SGCZ: variants seen among roughly 807,000 people sequenced by gnomAD.
The protein encoded by SGCZ is zeta-sarcoglycan.
Under a neutral mutation model 41.3 loss-of-function variants are expected in SGCZ, and 40 were observed. The ratio of observed to expected loss-of-function variants is 0.97; its 90% CI spans 0.75 to 1.26. The LOEUF (loss-of-function observed/expected upper bound fraction) is 1.26, where lower values mean the gene tolerates loss of function less well. SGCZ is among the 50% of genes most tolerant of loss of function. The pLI is 0.00. For missense variants in SGCZ, 552 were observed against 369.8 expected (o/e 1.49, Z -4.04); for synonymous variants, 206 against 137.5 (o/e 1.50, Z -3.49).
At chr8:14,737,248 A>G (rs1454298513) in intron 1 of SGCZ, among the ~76,000 whole-genome samples, 1 of 151,136 alleles carries the variant, frequency 6.6e-6, no homozygotes. Context: ...TTAGTATCCT[A>G]TATTGTTGAT....
intron 1 of SGCZ, among the ~76,000 whole-genome samples, chr8:14,767,873 G>A (rs1800093577): frequency 2.0e-5 from 3 of 152,120 alleles, no homozygotes; most frequent in Admixed American, 2.0e-4. Flanking sequence ...TGCTGAAATA[G>A]GGCCATGTAT....
intron 1 of SGCZ, among the ~76,000 whole-genome samples, chr8:14,903,145 A>G (rs1799022569): frequency 6.6e-6 from 1 of 152,134 alleles, no homozygotes; most frequent in South Asian, 2.1e-4. Context: ...CTAAAGTACT[A>G]TATCATCTGC....
intron 1 of SGCZ, among the ~76,000 whole-genome samples, chr8:14,626,535 T>C (rs779748881): frequency 1.2e-3 from 181 of 152,282 alleles, no homozygotes; most frequent in Middle Eastern, 3.4e-3. Flanking sequence ...AATGGGGTCA[T>C]TGCAAGTGTA....
At chr8:14,618,691 A>T (rs1221338453) in intron 1 of SGCZ, among the ~76,000 whole-genome samples, 1 of 152,218 alleles carries the variant, frequency 6.6e-6, no homozygotes, top group Non-Finnish European at 1.5e-5. Context: ...TGTAGGAAGA[A>T]TAAATAAGAG....
intron 2 of SGCZ, among the ~76,000 whole-genome samples, chr8:14,548,942 G>C (rs1300076615): frequency 6.6e-6 from 1 of 152,056 alleles, no homozygotes; most frequent in Non-Finnish European, 1.5e-5. Flanking sequence ...GGTGAGGCTG[G>C]AAGTCTTGAA....
At chr8:14,605,261 T>C (rs879739665) in intron 1 of SGCZ, among the ~76,000 whole-genome samples, 5 of 108,562 alleles carry the variant, frequency 4.6e-5, no homozygotes, top group Admixed American at 2.1e-4. Context: ...TTTTTAAAGT[T>C]TTTTTTTAAG....
chr8:14,418,574 G>A (rs933713556), intron 2 of SGCZ, among the ~76,000 whole-genome samples: 2 of 151,568 alleles, frequency 1.3e-5, no homozygotes, highest in East Asian at 1.9e-4. Flanking sequence ...ATTCTTAAAA[G>A]TAGTTCTCAG....
intron 1 of SGCZ, among the ~76,000 whole-genome samples, chr8:15,179,170 C>G (rs1025597367): frequency 2.0e-5 from 3 of 151,804 alleles, no homozygotes; most frequent in Non-Finnish European, 2.9e-5. Context: ...TAATAATTAA[C>G]CTGTTTAAGT....
At chr8:14,626,289 G>T (rs1461029846) in intron 1 of SGCZ, among the ~76,000 whole-genome samples, 3 of 151,986 alleles carry the variant, frequency 2.0e-5, no homozygotes, top group Non-Finnish European at 2.9e-5. Context: ...TCAGCTATTT[G>T]TCCTGACGCT....
chr8:15,185,619 T>C (rs1467207028), intron 1 of SGCZ, among the ~76,000 whole-genome samples: 2 of 152,170 alleles, frequency 1.3e-5, no homozygotes, highest in Non-Finnish European at 2.9e-5. Context: ...GAAACAGGGC[T>C]ACCATCTTGG....
intron 4 of SGCZ, among the ~76,000 whole-genome samples, chr8:14,228,923 G>A (rs1431145166): frequency 3.9e-5 from 6 of 152,136 alleles, no homozygotes; most frequent in African/African-American, 1.2e-4. Flanking sequence ...TTGAGAAGTA[G>A]AGGCCAATGC....
At chr8:14,798,071 G>A (rs1359331634) in intron 1 of SGCZ, among the ~76,000 whole-genome samples, 2 of 152,164 alleles carry the variant, frequency 1.3e-5, no homozygotes, top group Non-Finnish European at 2.9e-5. Context: ...AAATGTTGGG[G>A]CCCACTGGAA....
intron 1 of SGCZ, among the ~76,000 whole-genome samples, chr8:14,606,797 T>A (rs1330470430): frequency 1.3e-5 from 2 of 152,180 alleles, no homozygotes; most frequent in East Asian, 3.8e-4. Context: ...TATGATGTGG[T>A]TTATTTTTTG....
rs1227955222 is a variant in SGCZ at position 14,087,810 on chromosome 8, G to C, written c.*2633C>G. Among the ~76,000 whole-genome samples, 1 of 151,642 alleles carries C rather than the reference G, an allele frequency of 6.6e-6. No homozygotes were observed. The highest frequency in any genetic ancestry group is 2.4e-5 in the African/African-American group (1 of 41,372). The stretch of plus-strand genomic sequence containing the variant: ...TTCACAATAGGCTTGATCTCTCTGA[G>C]GCAGGGATCTTGGCTTAGATTCAGA... On this transcript the variant is annotated 3_prime_UTR_variant, in exon 8 of 8. Coordinates refer to ENST00000382080, the MANE Select transcript of SGCZ (RefSeq NM_139167.4).
At chr8:15,190,695 G>A (rs926121952) in intron 1 of SGCZ, among the ~76,000 whole-genome samples, 13 of 151,056 alleles carry the variant, frequency 8.6e-5, no homozygotes, top group Non-Finnish European at 1.8e-4. Context: ...GGAGGTGTGC[G>A]TGTGTCGTGG....
chr8:15,087,913 G>A (rs116917572), intron 1 of SGCZ, among the ~76,000 whole-genome samples: 2,434 of 152,038 alleles, frequency 0.016, 23 homozygotes, highest in Non-Finnish European at 0.023. Context: ...GTAAATTAAC[G>A]TGAGGCTTTA....
intron 4 of SGCZ, among the ~76,000 whole-genome samples, chr8:14,179,359 G>A (rs971644984): frequency 2.0e-5 from 3 of 152,122 alleles, no homozygotes; most frequent in Non-Finnish European, 4.4e-5. Context: ...GAATGACTTG[G>A]GCTAATACCT....
chr8:14,116,900 T>C (rs28477798), intron 5 of SGCZ, among the ~76,000 whole-genome samples: 2,481 of 152,234 alleles, frequency 0.016, 70 homozygotes, highest in African/African-American at 0.056. Flanking sequence ...CGTTGATTAC[T>C]GTGAACACTG....
chr8:14,723,388 A>G (rs767890215), intron 1 of SGCZ, among the ~76,000 whole-genome samples: 1 of 152,162 alleles, frequency 6.6e-6, no homozygotes, highest in African/African-American at 2.4e-5. Flanking sequence ...CTGTGGACCT[A>G]TGGGATCCTA....
Sources: allele counts gnomAD v4.1 joint callset (sites outside exome capture counted in the v4.1 genomes callset), GRCh38; gene constraint gnomAD v4.1.1; transcripts MANE v1.5; gene names NCBI Gene and HGNC (gene_info 2026-07-23, HGNC 2026-07-21).